The following CELF2 variants were observed in gnomAD, a reference collection of about 807,000 sequenced individuals.
The protein encoded by CELF2 is CUG triplet repeat RNA-binding protein 2.
CELF2 carries 8 observed loss-of-function variants against 62.6 expected under a neutral mutation model. The observed-to-expected ratio is 0.13, with a 90% CI of 0.07 to 0.23. The LOEUF is 0.23. Ranked by LOEUF, CELF2 falls within the 10% of genes least tolerant of loss-of-function variation. CELF2 has a pLI of 1.00. For missense variants in CELF2, 333 were observed against 671.0 expected, an observed-to-expected ratio of 0.50 and a Z score of 5.56; for synonymous variants, 258 against 250.0, an observed-to-expected ratio of 1.03 and a Z score of -0.30.
intron 2 of CELF2, among the ~76,000 whole-genome samples, chr10:10,991,077 C>G (rs2136681408): frequency 6.6e-6 from 1 of 152,022 alleles, no homozygotes; most frequent in East Asian, 1.9e-4. Context: ...GCAGAGAAAG[C>G]CGAGTTTGGC....
chr10:11,207,454 G>T lies in CELF2; in HGVS notation c.272-9971G>T, dbSNP rs529525506. On this transcript the variant is annotated intron_variant, in intron 2 of 12. Coordinates refer to ENST00000633077, the MANE Select transcript of CELF2 (RefSeq NM_001326342.2). This position sits in a 1 kb window ranked among gnomAD's most constrained non-coding sequence, Gnocchi z 4.1. The stretch of plus-strand genomic sequence containing the variant: ...AGAGTTGGAGGGAAGGTATGGGGTT[G>T]CCAGGGACCCCAGTGAGATCATTGT... Among the ~76,000 whole-genome samples the T allele has an allele frequency of 1.3e-5, 2 of 152,338 alleles. No homozygotes were observed. Among genetic ancestry groups the T allele is most frequent in the Admixed American group, 1.3e-4 (2 of 15,312 alleles).
chr10:11,095,283 G>A (rs2049493349), intron 1 of CELF2, among the ~76,000 whole-genome samples: 1 of 152,314 alleles, frequency 6.6e-6, no homozygotes, highest in African/African-American at 2.4e-5. Flanking sequence ...AGCAGAGTTT[G>A]TGACTTCATT....
intron 1 of CELF2, among the ~76,000 whole-genome samples, chr10:10,840,535 A>G (rs1222851531): frequency 3.4e-4 from 51 of 152,178 alleles, no homozygotes; most frequent in Non-Finnish European, 8.8e-5. Flanking sequence ...TATTTTGCCT[A>G]TACTTTAATT....
chr10:10,562,291 T>G, the CELF2 span, among the ~76,000 whole-genome samples: 1 of 152,236 alleles, frequency 6.6e-6, no homozygotes, highest in African/African-American at 2.4e-5. Flanking sequence ...TTATGACTTC[T>G]GCAGACAGGC....
At chr10:10,868,566 G>A (rs1273939859) in intron 1 of CELF2, among the ~76,000 whole-genome samples, 1 of 152,194 alleles carries the variant, frequency 6.6e-6, no homozygotes, top group Non-Finnish European at 1.5e-5. Flanking sequence ...AGCCCTGGAT[G>A]GGGGAGCAGA....
At chr10:10,638,547 GT>G in the CELF2 span, among the ~76,000 whole-genome samples, 1 of 152,138 alleles carries the variant, frequency 6.6e-6, no homozygotes, top group African/African-American at 2.4e-5. Context: ...AGGAAACATT[GT>G]AAAGAAACAC....
chr10:11,312,251 C>T (rs1449973855), intron 9 of CELF2, among the ~76,000 whole-genome samples: 1 of 152,128 alleles, frequency 6.6e-6, no homozygotes, highest in African/African-American at 2.4e-5. Context: ...CACCAATAGA[C>T]CCTCACAAAA....
At chr10:10,487,339 A>G in the CELF2 span, among the ~76,000 whole-genome samples, 1 of 152,178 alleles carries the variant, frequency 6.6e-6, no homozygotes, top group Non-Finnish European at 1.5e-5. Flanking sequence ...GTTATTTACA[A>G]TCAAAAGCTT....
At position 11,306,505 on chromosome 10, in the gene CELF2, G is replaced by T. The variant is rs1211889780; in HGVS notation, c.977-7634G>T. On this transcript the variant is annotated intron_variant, in intron 9 of 12. Coordinates refer to ENST00000633077, the MANE Select transcript of CELF2 (RefSeq NM_001326342.2). The surrounding 1 kb of genome is among the most constrained non-coding windows in gnomAD (Gnocchi z 4.4). Reference sequence around the variant, plus strand: ...CTGAACGGTCAGTCTTTAGGTACTTGATCAAGGTTGGCTGTGTGACAAATT... The same window carrying T: ...CTGAACGGTCAGTCTTTAGGTACTTTATCAAGGTTGGCTGTGTGACAAATT... Among the ~76,000 whole-genome samples, 2 of 152,126 alleles carry T rather than the reference G, an allele frequency of 1.3e-5. No homozygotes were observed. The highest frequency in any genetic ancestry group is 2.9e-5 in the Non-Finnish European group (2 of 68,024).
At chr10:11,233,102 A>G (rs2069463932) in intron 3 of CELF2, among the ~76,000 whole-genome samples, 1 of 152,236 alleles carries the variant, frequency 6.6e-6, no homozygotes, top group African/African-American at 2.4e-5. Context: ...AGAATTCAGT[A>G]AAATTCTAAC....
rs181884264 is a variant in CELF2, at chr10:11,197,493, A to G, written c.272-19932A>G. Among the ~76,000 whole-genome samples the G allele has an allele frequency of 3.3e-5, 5 of 152,332 alleles. No individual in the cohort carries two copies. In the East Asian group the frequency reaches 9.6e-4, roughly 29 times the overall value. On this transcript the variant is annotated intron_variant, in intron 2 of 12. Transcript: ENST00000633077. ...AAAGAGAACAAAAATCATTTTCTGTACTCTCCAGAATACAGTTGAGTGTCC... is the reference window on the plus strand; with the variant it reads ...AAAGAGAACAAAAATCATTTTCTGTGCTCTCCAGAATACAGTTGAGTGTCC...
chr10:10,738,871 CT>C, the CELF2 span, among the ~76,000 whole-genome samples: 1 of 152,084 alleles, frequency 6.6e-6, no homozygotes, highest in Non-Finnish European at 1.5e-5. Context: ...AAACCGTGGA[CT>C]TTAGTTAATA....
the CELF2 span, among the ~76,000 whole-genome samples, chr10:10,579,082 A>G: frequency 6.7e-6 from 1 of 150,188 alleles, no homozygotes; most frequent in Non-Finnish European, 1.5e-5. Context: ...TGTTCTCTAC[A>G]CAGGAACATG....
chr10:10,618,306 C>T, the CELF2 span, among the ~76,000 whole-genome samples: 11 of 152,200 alleles, frequency 7.2e-5, no homozygotes, highest in South Asian at 1.5e-3. Flanking sequence ...TCCCATCCAG[C>T]CTCTTCCCTA....
chr10:10,499,119 T>C, the CELF2 span, among the ~76,000 whole-genome samples: 2 of 150,250 alleles, frequency 1.3e-5, no homozygotes, highest in African/African-American at 4.9e-5. Flanking sequence ...TAGGCTAGAG[T>C]TCAATGGCAC....
At chr10:10,741,694 A>G in the CELF2 span, among the ~76,000 whole-genome samples, 1 of 152,076 alleles carries the variant, frequency 6.6e-6, no homozygotes, top group Non-Finnish European at 1.5e-5. Context: ...AGTATGCCTT[A>G]TTATTAGTGA....
chr10:10,884,153 G>A (rs1264683325), intron 1 of CELF2, among the ~76,000 whole-genome samples: 4 of 152,084 alleles, frequency 2.6e-5, no homozygotes, highest in Non-Finnish European at 5.9e-5. Flanking sequence ...ATAACACCAC[G>A]AAATAAAAAC....
At chr10:10,570,759 GCATGAATGAGAA>G in the CELF2 span, among the ~76,000 whole-genome samples, 2 of 152,222 alleles carry the variant, frequency 1.3e-5, no homozygotes, top group Non-Finnish European at 2.9e-5. Context: ...AACGTTAAAA[GCATGAATGAGAA>G]GTTAGGAGAT....
intron 1 of CELF2, among the ~76,000 whole-genome samples, chr10:10,867,619 AGGCCAAAACCCATG>A (rs1334316517): frequency 2.0e-5 from 3 of 152,142 alleles, no homozygotes; most frequent in Non-Finnish European, 2.9e-5. Flanking sequence ...TTCCCTGCAC[AGGCCAAAACCCATG>A]GGCCATGCCT....
Sources: allele counts gnomAD v4.1 joint callset (sites outside exome capture counted in the v4.1 genomes callset), GRCh38; gene constraint gnomAD v4.1.1; non-coding constraint Gnocchi (gnomAD v3.1); transcripts MANE v1.5; gene names NCBI Gene and HGNC (gene_info 2026-07-23, HGNC 2026-07-21).